UTP18: variants seen among roughly 807,000 people sequenced by gnomAD.
The protein encoded by UTP18 is UTP18 small subunit processome component, also known as U3 small nucleolar RNA-associated protein 18 homolog.
Under a neutral mutation model 61.1 loss-of-function variants are expected in UTP18, and 36 were observed. The ratio of observed to expected loss-of-function variants is 0.59; its 90% CI spans 0.45 to 0.78. UTP18 has a LOEUF of 0.78. UTP18 is among the 30% of genes least tolerant of loss of function. UTP18 has a pLI of 0.00. For synonymous variants in UTP18, 282 were observed against 251.1 expected (o/e 1.12, Z -1.16); for missense variants, 753 against 693.9 (o/e 1.09, Z -0.96).
chr17:51,280,359 C>T (rs1042041163), intron 8 of UTP18, 30 bp from the exon 9 acceptor site: 5 of 1,601,872 alleles, frequency 3.1e-6, no homozygotes, highest in Non-Finnish European at 4.3e-6. Flanking sequence ...TACTTTCTAA[C>T]AGTTTGATAA....
At chr17:51,270,664 A>G (rs1320634627) in intron 4 of UTP18, among the ~76,000 whole-genome samples, 1 of 152,194 alleles carries the variant, frequency 6.6e-6, no homozygotes, top group Non-Finnish European at 1.5e-5. Context: ...GTTGACATCC[A>G]CTTGGCTTAT....
chr17:51,294,694 T>A (rs1905317845), intron 12 of UTP18, among the ~76,000 whole-genome samples: 1 of 152,096 alleles, frequency 6.6e-6, no homozygotes, highest in Non-Finnish European at 1.5e-5. Flanking sequence ...GCAGCATGAT[T>A]TATAATCCTT....
chr17:51,285,403 A>G (rs1405938101), intron 10 of UTP18, 35 bp downstream of exon 10: 58 of 1,605,588 alleles, frequency 3.6e-5, no homozygotes, highest in Non-Finnish European at 4.8e-5. Context: ...CCTTAATCAC[A>G]TTGTGCTAAT....
chr17:51,284,753 G>A (rs903712933), intron 9 of UTP18, among the ~76,000 whole-genome samples: 12 of 152,074 alleles, frequency 7.9e-5, no homozygotes, highest in African/African-American at 2.2e-4. Context: ...TTTTGTATAT[G>A]TGAATGTATA....
chr17:51,274,395 A>G (rs1265989199), intron 5 of UTP18, among the ~76,000 whole-genome samples: 2 of 152,154 alleles, frequency 1.3e-5, no homozygotes. Context: ...CTTTAGTTAA[A>G]TATCTGTCAT....
intron 1 of UTP18, among the ~76,000 whole-genome samples, 153 bp downstream of exon 1, chr17:51,261,079 T>TGCGGGTCCC (rs2055457441): frequency 6.6e-6 from 1 of 152,210 alleles, no homozygotes; most frequent in Non-Finnish European, 1.5e-5. Flanking sequence ...GGGTCGCAGC[T>TGCGGGTCCC]GCGGGTCCCT....
intron 2 of UTP18, among the ~76,000 whole-genome samples, chr17:51,264,041 T>TA (rs2055534940): frequency 6.6e-6 from 1 of 150,910 alleles, no homozygotes; most frequent in South Asian, 2.1e-4. Flanking sequence ...TTTTTTTTTT[T>TA]AATTATTTTT....
intron 11 of UTP18, among the ~76,000 whole-genome samples, chr17:51,293,586 G>T (rs1283446851): frequency 1.3e-5 from 2 of 151,570 alleles, no homozygotes; most frequent in African/African-American, 4.9e-5. Flanking sequence ...TTCCGTTGTG[G>T]CCCAGGGAAG....
intron 11 of UTP18, among the ~76,000 whole-genome samples, chr17:51,291,188 G>GT (rs1247529644): frequency 3.9e-5 from 6 of 152,202 alleles, no homozygotes; most frequent in Non-Finnish European, 8.8e-5. Context: ...GAGGCCAGGA[G>GT]TTAAAGAAGT....
At chr17:51,263,835 A>G (rs971496213) in intron 2 of UTP18, among the ~76,000 whole-genome samples, 44 of 152,136 alleles carry the variant, frequency 2.9e-4, no homozygotes, top group Non-Finnish European at 4.4e-4. Flanking sequence ...GGTAGCTCAC[A>G]CCATAGGAAC....
intron 9 of UTP18, among the ~76,000 whole-genome samples, chr17:51,284,247 T>G (rs2144431082): frequency 6.6e-6 from 1 of 152,258 alleles, no homozygotes; most frequent in Non-Finnish European, 1.5e-5. Flanking sequence ...AGGGTGAACT[T>G]TAGAGCAATA....
chr17:51,269,315 A>AC (rs1239670408), intron 4 of UTP18, among the ~76,000 whole-genome samples: 20 of 149,414 alleles, frequency 1.3e-4, no homozygotes, highest in Non-Finnish European at 2.2e-4. Context: ...AAAAAAAAAA[A>AC]AAAAAAAAAA....
chr17:51,288,537 A>C, intron 11 of UTP18: 1 of 461,730 alleles, frequency 2.2e-6, no homozygotes, highest in Non-Finnish European at 4.3e-6. Flanking sequence ...TTCCTCATTT[A>C]CCTTTTTAAG....
rs1905067840 is a variant in UTP18, at chr17:51,285,262, G to A, written c.1222G>A (p.Val408Ile). ...YASSGDGEVY[V>I]WDVNSRKCLN... is the part of the protein sequence containing the mutation. ...TTATGCAGGGGATGGAGAAGTTTATGTTTGGGATGTGAACTCAAGGAAGTG... is the reference window on the plus strand; with the variant it reads ...TTATGCAGGGGATGGAGAAGTTTATATTTGGGATGTGAACTCAAGGAAGTG... Residue 408 changes from valine to isoleucine, a missense_variant, in exon 10 of 14, where the codon GTT becomes ATT. Physicochemically the swap from Val to Ile is conservative, Grantham distance 29 (BLOSUM62 3). Coordinates refer to ENST00000225298, the MANE Select transcript of UTP18 (RefSeq NM_016001.3). The A allele has an allele frequency of 6.2e-7, 1 of 1,612,798 alleles. No homozygotes were observed. Among genetic ancestry groups the A allele is most frequent in the African/African-American group, 1.3e-5 (1 of 74,876 alleles).
intron 1 of UTP18, among the ~76,000 whole-genome samples, chr17:51,262,950 A>G (rs140995070): frequency 6.6e-6 from 1 of 152,340 alleles, no homozygotes; most frequent in African/African-American, 2.4e-5. Context: ...TAATTTCTGT[A>G]GTTCTGACAT....
intron 11 of UTP18, among the ~76,000 whole-genome samples, chr17:51,292,227 G>A (rs535732128): frequency 6.6e-6 from 1 of 151,954 alleles, no homozygotes; most frequent in African/African-American, 2.4e-5. Context: ...GTAATTTCTC[G>A]AGGAACCTGT....
rs1568263233 is a variant in UTP18 at position 51,263,342 on chromosome 17, AAAG to A, written c.415_417del (p.Lys139del). 9.3e-6 allele frequency: 15 copies of A among 1,614,236 alleles called. No homozygotes were observed. Among genetic ancestry groups the A allele is most frequent in the Non-Finnish European group, 1.2e-5 (14 of 1,180,024 alleles). On this transcript the variant is annotated inframe_deletion, in exon 2 of 14. Coordinates refer to ENST00000225298, the MANE Select transcript of UTP18 (RefSeq NM_016001.3). ...AAGCAAAAGGTAATTTTCCACCTCA[AAAG>A]AAGCCAGTTTGGGTGGATGAAGAAG...
At chr17:51,285,485 T>C (rs1905075823) in intron 10 of UTP18, 117 bp downstream of exon 10, 4 of 1,294,100 alleles carry the variant, frequency 3.1e-6, no homozygotes, top group African/African-American at 1.5e-5. Flanking sequence ...TTCAGTAATA[T>C]GAAATTGGTC....
chr17:51,279,068 T>A (rs940737821), intron 7 of UTP18, among the ~76,000 whole-genome samples: 1 of 152,212 alleles, frequency 6.6e-6, no homozygotes, highest in African/African-American at 2.4e-5. Flanking sequence ...TTTCTCTAAT[T>A]AATATTGTAA....
Sources: gnomAD v4.1 joint callset for allele counts (sites outside exome capture counted in the v4.1 genomes callset) on GRCh38, gnomAD v4.1.1 for gene constraint, MANE v1.5 for transcripts, NCBI Gene and HGNC (gene_info 2026-07-23, HGNC 2026-07-21) for gene names.